The following SIPA1L1 variants were observed in gnomAD, a reference collection of about 807,000 sequenced individuals.
The protein encoded by SIPA1L1 is signal induced proliferation associated 1 like 1, also known as signal-induced proliferation-associated 1-like protein 1.
In SIPA1L1, 26 loss-of-function variants were observed where a neutral mutation model predicts 162.7. That is an observed-to-expected ratio of 0.16 (90% CI 0.12 to 0.22). The LOEUF (loss-of-function observed/expected upper bound fraction) is 0.22, where lower values mean the gene tolerates loss of function less well. Ranked by LOEUF, SIPA1L1 falls within the 10% of genes least tolerant of loss-of-function variation. SIPA1L1 has a pLI of 1.00. For synonymous variants in SIPA1L1, 829 were observed against 837.4 expected, an observed-to-expected ratio of 0.99 and a Z score of 0.17; for missense variants, 1,874 against 2,241.0, an observed-to-expected ratio of 0.84 and a Z score of 3.31.
Position 71,588,515 on chromosome 14 carries a change from C to A in SIPA1L1, c.643C>A (p.Gln215Lys), listed in dbSNP as rs1335698285. Reference protein sequence around the residue: ...EYGSTSSIDKQGTSGESFFDL... With the variant: ...EYGSTSSIDKKGTSGESFFDL... ...TGGTAGCACATCTTCAATTGATAAA[C>A]AGGGAACATCTGGAGAAAGCTTTTT... The change falls in exon 5 of 24, where the codon CAG (glutamine) becomes AAG (lysine). Residue 215 changes from glutamine (Q) to lysine (K), a missense_variant. By Grantham distance (53) the Gln-to-Lys change is moderately conservative (BLOSUM62 1). Transcript: ENST00000381232. The surrounding 1 kb of genome is among the most constrained non-coding windows in gnomAD (Gnocchi z 4.3). 7 of 1,614,018 alleles carry A rather than the reference C, an allele frequency of 4.3e-6. No homozygotes were observed. The highest frequency in any genetic ancestry group is 5.1e-6 in the Non-Finnish European group (6 of 1,179,982).
At chr14:71,559,445 AT>A (rs1281024853) in intron 4 of SIPA1L1, among the ~76,000 whole-genome samples, 1 of 152,090 alleles carries the variant, frequency 6.6e-6, no homozygotes, top group Non-Finnish European at 1.5e-5. Context: ...CTTTTTATAG[AT>A]TTTCCCCTGC....
chr14:71,393,133 A>G (rs1212616198), intron 2 of SIPA1L1, among the ~76,000 whole-genome samples: 3 of 152,226 alleles, frequency 2.0e-5, no homozygotes, highest in African/African-American at 7.2e-5. Flanking sequence ...ATATTCCAAT[A>G]GGATATCGAT....
intron 7 of SIPA1L1, among the ~76,000 whole-genome samples, chr14:71,626,655 A>G (rs2040018661): frequency 6.6e-6 from 1 of 152,212 alleles, no homozygotes; most frequent in African/African-American, 2.4e-5. Flanking sequence ...CATATTTTAA[A>G]ATTTCCAGCT....
chr14:71,572,280 C>T (rs1416209854), intron 4 of SIPA1L1, among the ~76,000 whole-genome samples: 2 of 152,306 alleles, frequency 1.3e-5, no homozygotes, highest in East Asian at 3.9e-4. Context: ...TAAGTTTCAA[C>T]ATGAGTGTTG....
Position 71,723,713 on chromosome 14 carries a change from A to C in SIPA1L1, c.4275A>C (p.Glu1425Asp), listed in dbSNP as rs2083964047. The change falls in exon 18 of 24, where the codon GAA becomes GAC. Residue 1425 changes from glutamate (E) to aspartate (D), a missense_variant. Transcript: ENST00000381232. ...CCAGTGCCCGGAGTTCACCTAAAGA[A>C]GAGCTTCATCCAGCTGCCCCCTCAC... ...VFTSARSSPK[E>D]ELHPAAPSQL... 1 of 1,614,050 alleles carries C rather than the reference A, an allele frequency of 6.2e-7. No homozygotes were observed. The highest frequency in any genetic ancestry group is 1.7e-5 in the Admixed American group (1 of 59,998).
chr14:71,415,161 A>G (rs1595341340), intron 2 of SIPA1L1, among the ~76,000 whole-genome samples: 1 of 152,154 alleles, frequency 6.6e-6, no homozygotes, highest in African/African-American at 2.4e-5. Flanking sequence ...TCTCCCCTCC[A>G]TAAACCTTTG....
intron 11 of SIPA1L1, 47 bp from the exon 12 acceptor site, chr14:71,672,300 TA>T: frequency 6.3e-7 from 1 of 1,590,902 alleles, no homozygotes; most frequent in South Asian, 1.1e-5. Context: ...GTCCACCACT[TA>T]ATACCCTATT....
chr14:71,699,827 C>T (rs181021395), intron 14 of SIPA1L1, among the ~76,000 whole-genome samples: 34 of 152,276 alleles, frequency 2.2e-4, no homozygotes, highest in East Asian at 5.8e-4. Flanking sequence ...GTCAGCCTGC[C>T]CTGGAAAGAA....
chr14:71,437,111 C>A (rs1340933272), intron 2 of SIPA1L1, among the ~76,000 whole-genome samples: 1 of 151,942 alleles, frequency 6.6e-6, no homozygotes, highest in Non-Finnish European at 1.5e-5. Flanking sequence ...ATTGGGATTG[C>A]GTTAAATTTA....
intron 7 of SIPA1L1, among the ~76,000 whole-genome samples, chr14:71,643,456 T>G (rs2041902204): frequency 6.6e-6 from 1 of 152,198 alleles, no homozygotes; most frequent in Non-Finnish European, 1.5e-5. Flanking sequence ...CACATTACAA[T>G]CAAAACAAAT....
chr14:71,494,874 C>T (rs570641447), intron 2 of SIPA1L1, among the ~76,000 whole-genome samples: 2 of 152,144 alleles, frequency 1.3e-5, no homozygotes, highest in South Asian at 2.1e-4. Flanking sequence ...CTCCTGACCT[C>T]GTGATCCACC....
At chr14:71,463,086 C>T (rs143703375) in intron 2 of SIPA1L1, among the ~76,000 whole-genome samples, 17 of 152,328 alleles carry the variant, frequency 1.1e-4, no homozygotes, top group African/African-American at 2.2e-4. Flanking sequence ...ATGTCTTCTG[C>T]GCAGGCCAAA....
intron 2 of SIPA1L1, among the ~76,000 whole-genome samples, chr14:71,346,970 T>C (rs973693759): frequency 1.3e-5 from 2 of 152,176 alleles, no homozygotes; most frequent in East Asian, 1.9e-4. Context: ...TTTTTTTTTT[T>C]TGAGACAGTC....
At chr14:71,333,515 C>T (rs78845719) in intron 2 of SIPA1L1, among the ~76,000 whole-genome samples, 2,687 of 152,248 alleles carry the variant, frequency 0.018, 32 homozygotes, top group African/African-American at 0.026. Flanking sequence ...GAATTTCCTC[C>T]CATGTCGATT....
intron 5 of SIPA1L1, among the ~76,000 whole-genome samples, chr14:71,600,610 GT>G (rs1333356703): frequency 6.6e-6 from 1 of 152,074 alleles, no homozygotes; most frequent in Non-Finnish European, 1.5e-5. Flanking sequence ...ATTTTAGGAT[GT>G]TTTTTCTATT....
intron 8 of SIPA1L1, among the ~76,000 whole-genome samples, chr14:71,650,930 T>A (rs1422058607): frequency 6.6e-6 from 1 of 152,166 alleles, no homozygotes; most frequent in Non-Finnish European, 1.5e-5. Context: ...TCAGCCTTTG[T>A]TTTTGTTTTT....
chr14:71,523,641 G>T (rs1403650235), intron 3 of SIPA1L1, among the ~76,000 whole-genome samples: 1 of 152,120 alleles, frequency 6.6e-6, no homozygotes, highest in East Asian at 1.9e-4. Flanking sequence ...TCTTTAACCT[G>T]TGGTGTTTGT....
At chr14:71,431,687 A>G (rs1296795844) in intron 2 of SIPA1L1, among the ~76,000 whole-genome samples, 2 of 151,990 alleles carry the variant, frequency 1.3e-5, no homozygotes, top group African/African-American at 4.8e-5. Context: ...GAGGCAAGAT[A>G]GTGTCTAGAA....
At chr14:71,511,950 A>G (rs2051190116) in intron 2 of SIPA1L1, among the ~76,000 whole-genome samples, 1 of 152,130 alleles carries the variant, frequency 6.6e-6, no homozygotes. Context: ...ACCCCACGAT[A>G]TGCATCTTCC....
Sources: gnomAD v4.1 joint callset for allele counts (sites outside exome capture counted in the v4.1 genomes callset) on GRCh38, gnomAD v4.1.1 for gene constraint, Gnocchi (gnomAD v3.1) non-coding constraint, MANE v1.5 for transcripts, NCBI Gene and HGNC (gene_info 2026-07-23, HGNC 2026-07-21) for gene names.